The following LPIN2 variants were observed in gnomAD, a reference collection of about 807,000 sequenced individuals.
LPIN2 encodes the protein lipin 2, also known as phosphatidate phosphatase LPIN2.
In LPIN2, 55 loss-of-function variants were observed where a neutral mutation model predicts 111.4. That is an observed-to-expected ratio of 0.49 (90% CI 0.40 to 0.62). LPIN2 has a LOEUF of 0.62. LPIN2 is among the 20% of genes least tolerant of loss of function. The pLI, the probability that LPIN2 is intolerant of heterozygous loss-of-function variation, is 0.00. For synonymous variants in LPIN2, 425 were observed against 414.0 expected (o/e 1.03, Z -0.32); for missense variants, 992 against 1,112.1 (o/e 0.89, Z 1.54).
chr18:2,932,592 G>T (rs781484171), intron 8 of LPIN2, among the ~76,000 whole-genome samples: 5 of 152,226 alleles, frequency 3.3e-5, no homozygotes, highest in Admixed American at 6.5e-5. Context: ...GGAGTGAGGG[G>T]CAAGGCCAAC....
chr18:2,922,899 CAAG>C (rs757739825), intron 16 of LPIN2, among the ~76,000 whole-genome samples: 2 of 152,140 alleles, frequency 1.3e-5, no homozygotes, highest in African/African-American at 2.4e-5. Flanking sequence ...CTCCATCAGA[CAAG>C]AAGCAAAATT....
At chr18:2,982,441 G>A (rs680085) in intron 1 of LPIN2, among the ~76,000 whole-genome samples, 143,476 of 152,286 alleles carry the variant, frequency 0.94, 67,891 homozygotes, top group East Asian at 1. Flanking sequence ...AAATAACAAC[G>A]AATAGAGATA....
In LPIN2 at chr18:2,918,868, T is replaced by G. The variant is rs1038544829; in HGVS notation, c.*1425A>C. 3 of 151,892 alleles carry G rather than the reference T, an allele frequency of 2.0e-5. No homozygotes were observed. The highest frequency in any genetic ancestry group is 6.6e-5 in the Admixed American group (1 of 15,254). 9.4% of individuals were successfully genotyped at this position (151,892 alleles called of 1,614,324 possible). Reference sequence around the variant, plus strand: ...ACTACAACGGCAGGGGCATGAAGAGTTGGCCACGAGACCACCCCGAGCGCC... The same window carrying G: ...ACTACAACGGCAGGGGCATGAAGAGGTGGCCACGAGACCACCCCGAGCGCC... On this transcript the variant is annotated 3_prime_UTR_variant, in exon 20 of 20. Transcript: ENST00000677752.
intron 1 of LPIN2, among the ~76,000 whole-genome samples, chr18:2,996,454 C>T (rs1306676124): frequency 2.7e-5 from 4 of 149,458 alleles, no homozygotes; most frequent in Non-Finnish European, 5.9e-5. Flanking sequence ...ATGCTTACCT[C>T]CCAGGAAAAT....
chr18:2,993,529 T>C lies in LPIN2; in HGVS notation c.-10+19558A>G, dbSNP rs75169293. 5.2e-3 allele frequency among the ~76,000 whole-genome samples: 798 copies of C among 152,376 alleles called. 11 individuals are homozygous for C. The highest frequency in any genetic ancestry group is 0.017 in the African/African-American group (695 of 41,588). On this transcript the variant is annotated intron_variant, in intron 1 of 19. Coordinates refer to ENST00000677752, the MANE Select transcript of LPIN2 (RefSeq NM_001375808.2). The stretch of plus-strand genomic sequence containing the variant: ...CTATGGCTTTCTGAGCATTCAACTC[T>C]ACTAAGTAGAAAGCAAAGTATTTCC...
intron 1 of LPIN2, among the ~76,000 whole-genome samples, chr18:3,007,414 G>A (rs1288960367): frequency 8.5e-5 from 13 of 152,210 alleles, no homozygotes; most frequent in East Asian, 3.9e-4. Context: ...CTCGTGATCC[G>A]CCCGCCTGGG....
chr18:3,009,347 C>T lies in LPIN2; in HGVS notation c.-10+3740G>A, dbSNP rs140902682. On this transcript the variant is annotated intron_variant, in intron 1 of 19. Coordinates refer to ENST00000677752, the MANE Select transcript of LPIN2 (RefSeq NM_001375808.2). ...CTGGGAGGCGGAGGTTGCAGTCAGCCGAGATCATGACACTGCACTCCAGCC... is the reference window on the plus strand; with the variant it reads ...CTGGGAGGCGGAGGTTGCAGTCAGCTGAGATCATGACACTGCACTCCAGCC... Among the ~76,000 whole-genome samples the T allele has an allele frequency of 2.1e-3, 322 of 151,374 alleles. 2 individuals are homozygous for T. Among genetic ancestry groups the T allele is most frequent in the Admixed American group, 5.7e-3 (86 of 15,204 alleles).
Position 2,920,451 on chromosome 18 carries a change from TG to T in LPIN2, c.2547-15del. The T allele has an allele frequency of 2.5e-6, 4 of 1,613,366 alleles. No individual in the cohort carries two copies. The highest frequency in any genetic ancestry group is 3.4e-6 in the Non-Finnish European group (4 of 1,179,974). ...AGCCTGTGATACCTAAGAGAAAGGT[TG>T]GGGAAGAGGCACAGGCTATTACTTC... On this transcript the variant is annotated splice_polypyrimidine_tract_variant and intron_variant, in intron 19 of 19. Transcript: ENST00000677752.
chr18:2,926,770 C>A lies in LPIN2; in HGVS notation c.1746G>T (p.Pro582=). The part of the protein sequence containing the change: ...PESKEGKSEA[P]PASDLPSSSK... ...AGCTGGATGGCAGGTCACTGGCTGG[C>A]GGTGCCTCAGATTTTCCCTCCTTGG... The change falls in exon 13 of 20, where the codon CCG becomes CCT. Residue 582 remains proline, a synonymous_variant. Transcript: ENST00000677752. The A allele has an allele frequency of 6.2e-7, 1 of 1,613,282 alleles. No individual in the cohort carries two copies. The highest frequency in any genetic ancestry group is 8.5e-7 in the Non-Finnish European group (1 of 1,179,962).
At chr18:2,937,620 G>A (rs1460130261) in intron 7 of LPIN2, 72 bp downstream of exon 7, 49 of 1,210,566 alleles carry the variant, frequency 4.0e-5, no homozygotes, top group South Asian at 8.6e-5. Flanking sequence ...CAGCCATCAC[G>A]TTATGTGGAA....
Position 2,929,144 on chromosome 18 carries a change from G to T in LPIN2, c.1471C>A (p.His491Asn). The T allele has an allele frequency of 6.2e-7, 1 of 1,601,778 alleles. No individual in the cohort carries two copies. The highest frequency in any genetic ancestry group is 8.6e-7 in the Non-Finnish European group (1 of 1,169,116). ...GCAAATTCGTGATAAGTAATGATAT[G>T]CTCCATGAATTTTTCTGCAATGTAA... ...GEISKEKFME[H>N]IITYHEFAEN... The change falls in exon 10 of 20, where the codon CAT becomes AAT. Residue 491 changes from histidine to asparagine, a missense_variant. By Grantham distance (68) the His-to-Asn change is moderately conservative (BLOSUM62 1). Around this residue, in one of 4 missense-constraint regions of LPIN2, gnomAD observed 709 missense variants for 753.2 expected, o/e 0.94. Transcript: ENST00000677752.
At chr18:2,956,685 G>A (rs991835629) in intron 2 of LPIN2, among the ~76,000 whole-genome samples, 1 of 152,150 alleles carries the variant, frequency 6.6e-6, no homozygotes, top group African/African-American at 2.4e-5. Flanking sequence ...GTGTAGCTGG[G>A]AAAATAGAAG....
At position 2,929,039 on chromosome 18, in the gene LPIN2, A is replaced by C. The variant is rs759297016; in HGVS notation, c.1550+26T>G. 3.6e-6 allele frequency: 5 copies of C among 1,389,512 alleles called. No homozygotes were observed. The South Asian group carries it at 5.8e-5, about 16-fold the overall frequency. The allele number at this position is 1,389,512 out of a possible 1,614,324, so 86.1% of individuals were successfully genotyped here. A position where few individuals can be genotyped will look rare whatever the true frequency, so the allele number is the denominator to read the frequency against. ...TGTAAAAAAACTGCAAGAGTATTTAACAATTATAAAAGCAGGAGTATTTAC... is the reference window on the plus strand; with the variant it reads ...TGTAAAAAAACTGCAAGAGTATTTACCAATTATAAAAGCAGGAGTATTTAC... On this transcript the variant is annotated intron_variant, in intron 10 of 19. Transcript: ENST00000677752.
At chr18:2,998,372 G>A (rs111559263) in intron 1 of LPIN2, among the ~76,000 whole-genome samples, 1,689 of 152,332 alleles carry the variant, frequency 0.011, 30 homozygotes, top group African/African-American at 0.038. Flanking sequence ...GCAAGTCAGC[G>A]AAACAGCACT....
At chr18:2,930,254 A>G (rs1010045026) in intron 9 of LPIN2, among the ~76,000 whole-genome samples, 10 of 152,222 alleles carry the variant, frequency 6.6e-5, no homozygotes. Context: ...TTTTACCTAC[A>G]TTTTGTATTT....
chr18:2,965,847 T>G (rs191738907), intron 1 of LPIN2, among the ~76,000 whole-genome samples: 2 of 152,222 alleles, frequency 1.3e-5, no homozygotes, highest in East Asian at 3.9e-4. Flanking sequence ...TAACTTTTGT[T>G]AAGGAAAAGA....
At position 3,005,757 on chromosome 18, in the gene LPIN2, G is replaced by A. The variant is rs565800729; in HGVS notation, c.-10+7330C>T. ...CGTAACAACAACGGCCAGGTGTGGTGGCCCAACTCAGCAATCCCAGCACTT... is the reference window on the plus strand; with the variant it reads ...CGTAACAACAACGGCCAGGTGTGGTAGCCCAACTCAGCAATCCCAGCACTT... On this transcript the variant is annotated intron_variant, in intron 1 of 19. Transcript: ENST00000677752. Among the ~76,000 whole-genome samples the A allele has an allele frequency of 4.0e-5, 6 of 151,884 alleles. No individual in the cohort carries two copies. The East Asian group carries it at 5.8e-4, about 15-fold the overall frequency.
rs144051911 is a variant in LPIN2 at position 2,943,288 on chromosome 18, C to T, written c.591-2576G>A. Among the ~76,000 whole-genome samples the T allele has an allele frequency of 4.2e-3, 637 of 152,030 alleles. 6 individuals carry two copies. The highest frequency in any genetic ancestry group is 0.037 in the South Asian group (176 of 4,814). On this transcript the variant is annotated intron_variant, in intron 4 of 19. Transcript: ENST00000677752. ...CGATAGTAAAACATATGCTACCTAA[C>T]GGTAACTGTGTCCCTTTATGTATGA...
Position 2,920,079 on chromosome 18 carries a change from G to C in LPIN2, c.*214C>G. ...AGGGATCCCAGGCCTCCAGCCCCAG[G>C]CCCAGTTCCTCCCTTCTCCTTCCAG... On this transcript the variant is annotated 3_prime_UTR_variant, in exon 20 of 20. Transcript: ENST00000677752. 1 of 624,856 alleles carries C rather than the reference G, an allele frequency of 1.6e-6. No homozygotes were observed. Among genetic ancestry groups the C allele is most frequent in the Non-Finnish European group, 2.8e-6 (1 of 355,402 alleles). The allele number at this position is 624,856 out of a possible 1,614,324, so 38.7% of individuals were successfully genotyped here. A position where few individuals can be genotyped will look rare whatever the true frequency, so the allele number is the denominator to read the frequency against.
Sources: allele counts gnomAD v4.1 joint callset (sites outside exome capture counted in the v4.1 genomes callset), GRCh38; gene constraint gnomAD v4.1.1; regional missense constraint gnomAD v4.1.1; transcripts MANE v1.5; gene names NCBI Gene and HGNC (gene_info 2026-07-23, HGNC 2026-07-21).